NPRL3: variants seen among roughly 807,000 people sequenced by gnomAD.
The protein encoded by NPRL3 is GATOR1 complex protein NPRL3.
NPRL3 carries 23 observed loss-of-function variants against 57.2 expected under a neutral mutation model. The observed-to-expected ratio is 0.40, with a 90% CI of 0.29 to 0.57. The LOEUF (loss-of-function observed/expected upper bound fraction) is 0.57. Ranked by LOEUF, NPRL3 falls within the 20% of genes least tolerant of loss-of-function variation. The pLI is 0.42. For synonymous variants in NPRL3, 333 were observed against 321.1 expected, an observed-to-expected ratio of 1.04 and a Z score of -0.39; for missense variants, 691 against 767.1, an observed-to-expected ratio of 0.90 and a Z score of 1.17.
chr16:120,550 T>C (rs1030056546), intron 3 of NPRL3, among the ~76,000 whole-genome samples: 1 of 152,210 alleles, frequency 6.6e-6, no homozygotes, highest in South Asian at 2.1e-4. Flanking sequence ...GCCTTCCTCC[T>C]GAACTGGCAC....
chr16:115,175 A>G (rs1899976489), intron 5 of NPRL3, among the ~76,000 whole-genome samples: 1 of 151,808 alleles, frequency 6.6e-6, no homozygotes, highest in Admixed American at 6.6e-5. Flanking sequence ...GGGTTTCGCT[A>G]TGTTGCCCAG....
At chr16:105,900 G>C (rs1899505553) in intron 7 of NPRL3, among the ~76,000 whole-genome samples, 2 of 152,224 alleles carry the variant, frequency 1.3e-5, no homozygotes. Context: ...TATGGCACAA[G>C]TGTTGGGGTG....
chr16:133,465 C>T (rs1461292798), intron 2 of NPRL3, among the ~76,000 whole-genome samples: 1 of 151,972 alleles, frequency 6.6e-6, no homozygotes, highest in African/African-American at 2.4e-5. Flanking sequence ...CTTCTGACCT[C>T]GTGATCCGCC....
At chr16:115,538 T>G (rs1596524907) in intron 5 of NPRL3, among the ~76,000 whole-genome samples, 1 of 149,830 alleles carries the variant, frequency 6.7e-6, no homozygotes, top group East Asian at 2.0e-4. Context: ...CAGATTGGAG[T>G]GCAATGGTGC....
chr16:114,260 ACT>A (rs1899936631), intron 5 of NPRL3, among the ~76,000 whole-genome samples: 1 of 152,104 alleles, frequency 6.6e-6, no homozygotes, highest in African/African-American at 2.4e-5. Context: ...AGTGACCTGC[ACT>A]CATGGGGTGT....
chr16:114,976 G>A (rs1350665786), intron 5 of NPRL3, among the ~76,000 whole-genome samples: 5 of 151,234 alleles, frequency 3.3e-5, no homozygotes, highest in Admixed American at 6.6e-5. Flanking sequence ...AAAAAAAAGT[G>A]TATTTCTTTT....
chr16:117,223 G>A (rs1040009846), intron 5 of NPRL3, 78 bp downstream of exon 5: 6 of 1,022,408 alleles, frequency 5.9e-6, no homozygotes, highest in Admixed American at 4.3e-5. Flanking sequence ...CCGAGTCAAT[G>A]ACACGCTCGT....
chr16:89,271 C>A, intron 12 of NPRL3: 1 of 272,372 alleles, frequency 3.7e-6, no homozygotes, highest in Admixed American at 4.8e-5. Context: ...CAAGGGGGGA[C>A]TTTCAAAGTC....
At chr16:131,037 T>C (rs1329110550) in intron 2 of NPRL3, among the ~76,000 whole-genome samples, 2 of 152,250 alleles carry the variant, frequency 1.3e-5, no homozygotes, top group African/African-American at 4.8e-5. Flanking sequence ...AATCTTATGT[T>C]ATCTTCAAAA....
At chr16:121,760 C>T (rs904184312) in intron 3 of NPRL3, among the ~76,000 whole-genome samples, 1 of 152,098 alleles carries the variant, frequency 6.6e-6, no homozygotes, top group Non-Finnish European at 1.5e-5. Flanking sequence ...ATATTACAAA[C>T]ATATAATGAC....
At position 86,156 on chromosome 16, in the gene NPRL3, C is replaced by T. The variant is rs3176437; in HGVS notation, c.*549G>A. 1.8e-4 allele frequency: 37 copies of T among 203,636 alleles called. No homozygotes were observed. Among genetic ancestry groups the T allele is most frequent in the African/African-American group, 7.9e-4 (34 of 43,274 alleles). 12.6% of individuals were successfully genotyped at this position (203,636 alleles called of 1,614,324 possible). On this transcript the variant is annotated 3_prime_UTR_variant, in exon 14 of 14. Transcript: ENST00000611875. ...TGAGCCTGTTTGCGGCTTCTGTGGA[C>T]TGTGGTGAGGACTGGGCCAGGAAAG...
chr16:127,336 A>G (rs1900568744), intron 3 of NPRL3: 1 of 144,058 alleles, frequency 6.9e-6, no homozygotes, highest in Non-Finnish European at 1.5e-5. Flanking sequence ...TGCAAGCTCC[A>G]TGTCCTGGGC....
At chr16:99,978 GAAAA>G (rs1329992690) in intron 8 of NPRL3, among the ~76,000 whole-genome samples, 2 of 108,308 alleles carry the variant, frequency 1.8e-5, no homozygotes, top group Non-Finnish European at 3.6e-5. Context: ...AAAAAAAAAA[GAAAA>G]AGAAAAAAAA....
At chr16:89,580 CGAG>C in intron 12 of NPRL3, 130 bp downstream of exon 12, 1 of 822,936 alleles carries the variant, frequency 1.2e-6, no homozygotes, top group Non-Finnish European at 1.8e-6. Flanking sequence ...ACGGGGGACA[CGAG>C]GCACGTGCAT....
At chr16:96,447 TTC>T (rs1307046513) in intron 9 of NPRL3, among the ~76,000 whole-genome samples, 2 of 152,084 alleles carry the variant, frequency 1.3e-5, no homozygotes, top group Admixed American at 6.5e-5. Flanking sequence ...TCTTTTAAAA[TTC>T]TCTGTCTCCT....
intron 9 of NPRL3, among the ~76,000 whole-genome samples, chr16:96,488 T>A (rs1352681676): frequency 6.6e-6 from 1 of 151,780 alleles, no homozygotes; most frequent in Non-Finnish European, 1.5e-5. Context: ...CAGGACATGG[T>A]GTTTACTGAG....
At chr16:102,730 C>G (rs1899352163) in intron 7 of NPRL3, among the ~76,000 whole-genome samples, 1 of 152,212 alleles carries the variant, frequency 6.6e-6, no homozygotes, top group African/African-American at 2.4e-5. Flanking sequence ...CCAGAAGGTA[C>G]AAACGGCCCC....
At chr16:117,217 G>T in intron 5 of NPRL3, 84 bp downstream of exon 5, 2 of 965,772 alleles carry the variant, frequency 2.1e-6, no homozygotes, top group South Asian at 1.5e-5. Context: ...CAAGCTCCGA[G>T]TCAATGACAC....
chr16:95,346 T>TAC lies in NPRL3; in HGVS notation c.925-2022_925-2021insGT, dbSNP rs1394224081. On this transcript the variant is annotated intron_variant, in intron 9 of 13. Transcript: ENST00000611875. ...GTGTGTATATATATATATATATATA[T>TAC]ATATACACACACACACACACACACA... Among the ~76,000 whole-genome samples the TAC allele has an allele frequency of 1.7e-3, 78 of 46,390 alleles. 1 individual carries two copies. Among genetic ancestry groups the TAC allele is most frequent in the African/African-American group, 9.8e-4 (20 of 20,352 alleles). 30.4% of individuals were successfully genotyped at this position (46,390 alleles called of 152,430 possible). A position where few individuals can be genotyped will look rare whatever the true frequency, so the allele number is the denominator to read the frequency against.
Sources: allele counts gnomAD v4.1 joint callset (sites outside exome capture counted in the v4.1 genomes callset), GRCh38; gene constraint gnomAD v4.1.1; transcripts MANE v1.5; gene names NCBI Gene and HGNC (gene_info 2026-07-23, HGNC 2026-07-21).